FHOD3: variants seen among roughly 807,000 people sequenced by gnomAD.
FHOD3 encodes the protein formin homology 2 domain containing 3.
In FHOD3, 90 loss-of-function variants were observed where a neutral mutation model predicts 173.0. The ratio of observed to expected loss-of-function variants is 0.52; its 90% CI spans 0.44 to 0.62. FHOD3 has a LOEUF of 0.62. FHOD3 is among the 20% of genes least tolerant of loss of function. FHOD3 has a pLI of 0.00. For missense variants in FHOD3, 1,945 were observed against 2,034.7 expected (o/e 0.96, Z 0.85); for synonymous variants, 828 against 823.0 (o/e 1.01, Z -0.10).
rs146804885 is a variant in FHOD3, at chr18:36,611,988, G to A, written c.850G>A (p.Asp284Asn). ...SGLPDQDTFY[D>N]VVDCLEELGI... ...ACTACCAGACCAAGACACCTTCTAC[G>A]ACGTCGTGGACTGCCTGGAGGAGCT... The change falls in exon 9 of 29, where the codon GAC becomes AAC. Residue 284 changes from aspartate (D) to asparagine (N), a missense_variant. Around this residue, in one of 5 missense-constraint regions of FHOD3, gnomAD observed 1,099 missense variants for 1,051.2 expected, o/e 1.05. Coordinates refer to ENST00000590592, the MANE Select transcript of FHOD3 (RefSeq NM_001281740.3). 47 of 1,614,092 alleles carry A rather than the reference G, an allele frequency of 2.9e-5. No homozygotes were observed. The African/African-American group carries it at 4.8e-4, about 16-fold the overall frequency.
At position 36,554,917 on chromosome 18, in the gene FHOD3, T is replaced by A. The variant is rs199914552; in HGVS notation, c.512-21534T>A. On this transcript the variant is annotated intron_variant, in intron 5 of 28. Coordinates refer to ENST00000590592, the MANE Select transcript of FHOD3 (RefSeq NM_001281740.3). ...TCTGCAGAATCTGTAGTTGTAATAA[T>A]CTCATTTCTGGTATATGTAATTTGT... 4.5e-4 allele frequency among the ~76,000 whole-genome samples: 68 copies of A among 152,328 alleles called. No individual in the cohort carries two copies. The East Asian group carries it at 7.7e-3, about 17-fold the overall frequency.
intron 2 of FHOD3, among the ~76,000 whole-genome samples, chr18:36,366,582 AT>A (rs758706530): frequency 1.1e-3 from 172 of 152,296 alleles, no homozygotes; most frequent in Non-Finnish European, 1.7e-3. Flanking sequence ...TTCAGAGTCG[AT>A]GTTTTTCTAC....
At chr18:36,669,840 T>C (rs2037414032) in intron 14 of FHOD3, among the ~76,000 whole-genome samples, 1 of 151,992 alleles carries the variant, frequency 6.6e-6, no homozygotes, top group South Asian at 2.1e-4. Context: ...CATTATCTTT[T>C]CTAATTCTTT....
At chr18:36,639,542 A>G (rs1421689021) in intron 10 of FHOD3, among the ~76,000 whole-genome samples, 1 of 152,172 alleles carries the variant, frequency 6.6e-6, no homozygotes, top group Non-Finnish European at 1.5e-5. Context: ...GGGTGCCTGT[A>G]GTCCCACCTA....
Position 36,740,726 on chromosome 18 carries a change from A to G in FHOD3, c.3647A>G (p.Glu1216Gly), listed in dbSNP as rs1450149160. Residue 1216 changes from glutamate to glycine, a missense_variant, in exon 21 of 29, where the codon GAA becomes GGA. Coordinates refer to ENST00000590592, the MANE Select transcript of FHOD3 (RefSeq NM_001281740.3). The part of the protein sequence containing the change: ...KIQEAQLANP[E>G]IPLGSAEQFL... Reference sequence around the variant, plus strand: ...CAGGAAGCTCAGCTGGCCAACCCTGAAATCCCCCTGGGCAGTGCAGAGCAG... The same window carrying G: ...CAGGAAGCTCAGCTGGCCAACCCTGGAATCCCCCTGGGCAGTGCAGAGCAG... The G allele has an allele frequency of 3.1e-6, 5 of 1,614,052 alleles. No homozygotes were observed. In the South Asian group the frequency reaches 5.5e-5, roughly 18 times the overall value.
At chr18:36,298,734 G>A (rs1371604894) in intron 1 of FHOD3, among the ~76,000 whole-genome samples, 3 of 151,974 alleles carry the variant, frequency 2.0e-5, no homozygotes, top group Admixed American at 6.5e-5. Flanking sequence ...GGGAAGAATG[G>A]CTGCTCAGTC....
intron 3 of FHOD3, among the ~76,000 whole-genome samples, chr18:36,460,173 A>G (rs942755665): frequency 6.6e-6 from 1 of 152,180 alleles, no homozygotes; most frequent in African/African-American, 2.4e-5. Context: ...TGGCTGAGGT[A>G]GCATTTGTCA....
chr18:36,606,493 G>A (rs756474908), intron 8 of FHOD3, among the ~76,000 whole-genome samples: 1 of 152,112 alleles, frequency 6.6e-6, no homozygotes, highest in Non-Finnish European at 1.5e-5. Flanking sequence ...TTGCTTTGGG[G>A]ATTATGTTTC....
At chr18:36,679,766 T>C (rs965294718) in intron 14 of FHOD3, among the ~76,000 whole-genome samples, 2 of 152,200 alleles carry the variant, frequency 1.3e-5, no homozygotes, top group Non-Finnish European at 2.9e-5. Flanking sequence ...TGAAACCAGT[T>C]TGTGGCATTC....
chr18:36,762,904 T>G (rs1466193282), intron 27 of FHOD3, among the ~76,000 whole-genome samples: 1 of 147,926 alleles, frequency 6.8e-6, no homozygotes, highest in Non-Finnish European at 1.5e-5. Context: ...ATATGTGTAT[T>G]ATACACGTTA....
intron 3 of FHOD3, among the ~76,000 whole-genome samples, chr18:36,449,750 T>A (rs186936368): frequency 1.3e-5 from 2 of 152,298 alleles, no homozygotes; most frequent in African/African-American, 4.8e-5. Flanking sequence ...TTCAGTAAAT[T>A]TTTCTCGATG....
chr18:36,649,383 G>A lies in FHOD3; in HGVS notation c.1264G>A (p.Ala422Thr). The change falls in exon 11 of 29, where the codon GCT (alanine) becomes ACT (threonine). Residue 422 changes from alanine to threonine, a missense_variant. By Grantham distance (58) the Ala-to-Thr change is moderately conservative. Transcript: ENST00000590592. ...PSSEEEREDD[A>T]SCQGKDSKVG... The stretch of plus-strand genomic sequence containing the variant: ...TTCCGAAGAAGAGAGAGAGGATGAT[G>A]CTTCCTGTCAGGGCAAGGACAGGTA... The A allele has an allele frequency of 1.3e-6, 2 of 1,535,708 alleles. No homozygotes were observed. The highest frequency in any genetic ancestry group is 3.4e-4 in the Middle Eastern group (2 of 5,928).
At chr18:36,589,933 C>T (rs1384016407) in intron 6 of FHOD3, among the ~76,000 whole-genome samples, 4 of 152,144 alleles carry the variant, frequency 2.6e-5, no homozygotes, top group Admixed American at 1.3e-4. Context: ...TGAAACCCTT[C>T]GTTACCACGT....
chr18:36,343,039 G>A (rs2045702878), intron 1 of FHOD3, among the ~76,000 whole-genome samples: 1 of 152,206 alleles, frequency 6.6e-6, no homozygotes, highest in South Asian at 2.1e-4. Context: ...TGAGATTGTA[G>A]AGAAATTGGA....
At chr18:36,630,087 T>G (rs1167325403) in intron 10 of FHOD3, among the ~76,000 whole-genome samples, 1 of 152,194 alleles carries the variant, frequency 6.6e-6, no homozygotes, top group Non-Finnish European at 1.5e-5. Flanking sequence ...ATCCACATGA[T>G]GCTGAGATAG....
chr18:36,521,744 C>T (rs966539958), intron 5 of FHOD3, among the ~76,000 whole-genome samples: 4 of 152,144 alleles, frequency 2.6e-5, no homozygotes, highest in Admixed American at 6.5e-5. Flanking sequence ...TCTCCTTAGT[C>T]CTTGGTTCAG....
At chr18:36,630,148 T>G (rs533446613) in intron 10 of FHOD3, among the ~76,000 whole-genome samples, 7 of 152,342 alleles carry the variant, frequency 4.6e-5, no homozygotes, top group African/African-American at 1.4e-4. Flanking sequence ...CATTTGGAAC[T>G]CTGTGCACCT....
At position 36,660,210 on chromosome 18, in the gene FHOD3, A is replaced by G. The variant is rs192320942; in HGVS notation, c.1835+2022A>G. 1.6e-4 allele frequency among the ~76,000 whole-genome samples: 24 copies of G among 152,264 alleles called. No individual in the cohort carries two copies. In the East Asian group the frequency reaches 3.7e-3, roughly 23 times the overall value. On this transcript the variant is annotated intron_variant, in intron 14 of 28. Coordinates refer to ENST00000590592, the MANE Select transcript of FHOD3 (RefSeq NM_001281740.3). ...CTTGAACCTGGGAGGTGGAAGTTGC[A>G]GTGAGCCGAGATTGTGCCATTGCAC... is the stretch of plus-strand genomic sequence containing the variant.
intron 1 of FHOD3, among the ~76,000 whole-genome samples, chr18:36,313,939 G>A (rs531430358): frequency 5.3e-5 from 8 of 151,096 alleles, no homozygotes; most frequent in East Asian, 2.0e-4. Context: ...GCTGGAGTGC[G>A]GTGGCATGAT....
Sources: allele counts gnomAD v4.1 joint callset (sites outside exome capture counted in the v4.1 genomes callset), GRCh38; gene constraint gnomAD v4.1.1; regional missense constraint gnomAD v4.1.1; transcripts MANE v1.5; gene names NCBI Gene and HGNC (gene_info 2026-07-23, HGNC 2026-07-21).